Variants in UBAP2 observed in about 807,000 individuals in gnomAD.
The protein encoded by UBAP2 is ubiquitin associated protein 2.
Under a neutral mutation model 139.6 loss-of-function variants are expected in UBAP2, and 75 were observed. That is an observed-to-expected ratio of 0.54 (90% CI 0.45 to 0.65). The LOEUF (loss-of-function observed/expected upper bound fraction) is 0.65. Ranked by LOEUF, UBAP2 falls within the 30% of genes least tolerant of loss-of-function variation. The probability of loss-of-function intolerance (pLI) is 0.00; values close to 1 mark genes in which losing one functional copy is unlikely to be tolerated. For synonymous variants in UBAP2, 526 were observed against 526.2 expected (o/e 1.00, Z 0.01); for missense variants, 1,368 against 1,369.6 (o/e 1.00, Z 0.02).
chr9:33,998,615 G>T, intron 3 of UBAP2, 172 bp downstream of exon 3: 1 of 550,036 alleles, frequency 1.8e-6, no homozygotes, highest in East Asian at 3.0e-5. Flanking sequence ...TCCTTCACTT[G>T]CCCACCAATA....
chr9:33,932,241 G>A (rs1824045026), intron 19 of UBAP2, among the ~76,000 whole-genome samples: 1 of 151,944 alleles, frequency 6.6e-6, no homozygotes, highest in African/African-American at 2.4e-5. Context: ...CAATCTCTGC[G>A]TCTGAGTCAG....
chr9:33,944,897 T>C (rs763417100), intron 13 of UBAP2, among the ~76,000 whole-genome samples: 4 of 152,208 alleles, frequency 2.6e-5, no homozygotes, highest in Admixed American at 2.6e-4. Context: ...AACAATATTA[T>C]GGTGCTATAC....
At chr9:33,985,665 T>G (rs1170699971) in intron 6 of UBAP2, among the ~76,000 whole-genome samples, 3 of 151,818 alleles carry the variant, frequency 2.0e-5, no homozygotes, top group East Asian at 1.9e-4. Context: ...GCAGAGAAGG[T>G]GATGGGTATA....
At chr9:33,968,401 A>C in intron 8 of UBAP2, 3 of 566,728 alleles carry the variant, frequency 5.3e-6, no homozygotes, top group Non-Finnish European at 1.1e-5. Flanking sequence ...TGAGGAAGCA[A>C]GACACCACCA....
At position 33,924,279 on chromosome 9, in the gene UBAP2, G is replaced by C; in HGVS notation, c.2517C>G (p.Tyr839Ter). Residue 839 changes from tyrosine (Y) to a stop codon, truncating the protein, a stop_gained, in exon 23 of 29, where the codon TAC (tyrosine) becomes TAG (stop). Coordinates refer to ENST00000379238, the MANE Select transcript of UBAP2 (RefSeq NM_001370062.2). LOFTEE classifies it high-confidence loss of function. ...QMLQSRLPVD[Y>*]YGIPFAAPTA... ...TGGGTGCAGCAAAGGGAATTCCATA[G>C]TAGTCCTAGGAGAGACCAGGGAGGC... 6.2e-7 allele frequency: 1 copy of C among 1,614,084 alleles called. No individual in the cohort carries two copies. The highest frequency in any genetic ancestry group is 8.5e-7 in the Non-Finnish European group (1 of 1,179,960).
chr9:33,976,925 T>C (rs868700806), intron 6 of UBAP2, among the ~76,000 whole-genome samples: 3 of 151,454 alleles, frequency 2.0e-5, no homozygotes, highest in East Asian at 3.9e-4. Context: ...GGCAGGAGAA[T>C]TGCTTGAACC....
At chr9:34,048,757 T>C (rs10121647) in intron 1 of UBAP2, 68 bp downstream of exon 1, 147,750 of 152,356 alleles carry the variant, frequency 0.97, 71,728 homozygotes, top group Non-Finnish European at 1. Context: ...GAACCCAGAA[T>C]TAGAAAGCAC....
intron 2 of UBAP2, among the ~76,000 whole-genome samples, chr9:34,012,614 A>C (rs1449109091): frequency 6.6e-6 from 1 of 152,042 alleles, no homozygotes; most frequent in African/African-American, 2.4e-5. Flanking sequence ...TTGTACTGTA[A>C]TTATGTAAAA....
intron 6 of UBAP2, among the ~76,000 whole-genome samples, chr9:33,975,987 A>G (rs1471730100): frequency 6.6e-6 from 1 of 152,168 alleles, no homozygotes; most frequent in African/African-American, 2.4e-5. Context: ...AGGCCAAGGC[A>G]GGAGGATCGC....
intron 1 of UBAP2, among the ~76,000 whole-genome samples, chr9:34,031,966 C>G (rs774053977): frequency 4.0e-5 from 6 of 151,868 alleles, no homozygotes; most frequent in African/African-American, 1.5e-4. Flanking sequence ...GCAAGACCTC[C>G]TCATCTCTAC....
intron 20 of UBAP2, 127 bp downstream of exon 20, chr9:33,927,670 C>G (rs1192721276): frequency 2.1e-6 from 2 of 958,136 alleles, no homozygotes; most frequent in Non-Finnish European, 3.0e-6. Flanking sequence ...GCCTCAAGGT[C>G]AGTGGAACAC....
chr9:33,998,129 C>A (rs528789117), intron 3 of UBAP2: 2 of 152,300 alleles, frequency 1.3e-5, no homozygotes, highest in South Asian at 4.1e-4. Context: ...AATGGCAATT[C>A]AGGCCAGTAA....
At chr9:33,973,297 T>C (rs1320894071) in intron 6 of UBAP2, 60 bp from the exon 7 acceptor site, 1 of 1,520,018 alleles carries the variant, frequency 6.6e-7, no homozygotes, top group African/African-American at 1.4e-5. Flanking sequence ...CAATTACACT[T>C]CCTTCTTCAT....
intron 1 of UBAP2, among the ~76,000 whole-genome samples, chr9:34,039,847 T>TAAAAAAAAAA (rs74180526): frequency 1.9e-4 from 16 of 84,406 alleles, no homozygotes; most frequent in East Asian, 1.2e-3. Context: ...CAATAAATAC[T>TAAAAAAAAAA]AAAAAAAAAA....
intron 10 of UBAP2, among the ~76,000 whole-genome samples, chr9:33,959,427 G>A (rs1826844313): frequency 6.6e-6 from 1 of 152,162 alleles, no homozygotes; most frequent in Admixed American, 6.5e-5. Flanking sequence ...ATTGTATATA[G>A]TTTTGAGGAT....
Sources: allele counts gnomAD v4.1 joint callset (sites outside exome capture counted in the v4.1 genomes callset), GRCh38; gene constraint gnomAD v4.1.1; transcripts MANE v1.5; gene names NCBI Gene and HGNC (gene_info 2026-07-23, HGNC 2026-07-21).